The following TANC1 variants were observed in gnomAD, a reference collection of about 807,000 sequenced individuals.
TANC1 encodes protein TANC1.
In TANC1, 77 loss-of-function variants were observed where a neutral mutation model predicts 149.7. The ratio of observed to expected loss-of-function variants is 0.51; its 90% CI spans 0.43 to 0.62. TANC1 has a LOEUF of 0.62. Among genes scored for constraint, TANC1 ranks in the 20% least tolerant of loss-of-function variants. The pLI is 0.00. For missense variants in TANC1, 1,985 were observed against 2,321.8 expected (o/e 0.85, Z 2.98); for synonymous variants, 854 against 925.0 (o/e 0.92, Z 1.39).
rs775529868 is a variant in TANC1 at position 159,219,975 on chromosome 2, A to AGTGTGTGTGTGTGT, written c.3678+109_3678+110insTGTGTGTGTGTGTG. 8.4e-5 allele frequency: 63 copies of AGTGTGTGTGTGTGT among 748,224 alleles called. 1 individual carries two copies. The highest frequency in any genetic ancestry group is 7.0e-4 in the Admixed American group (24 of 34,342). The allele number at this position is 748,224 out of a possible 1,614,324, so 46.3% of individuals were successfully genotyped here. ...TGAGGTTGTGTCTCAGTGTCATCAG[A>AGTGTGTGTGTGTGT]GAGTGTGTGTGTGTGTGTGTGTGTG... On this transcript the variant is annotated intron_variant, in intron 22 of 26. Coordinates refer to ENST00000263635, the MANE Select transcript of TANC1 (RefSeq NM_033394.3).
intron 2 of TANC1, among the ~76,000 whole-genome samples, chr2:159,053,498 C>A (rs933506845): frequency 2.0e-5 from 3 of 152,164 alleles, no homozygotes; most frequent in Non-Finnish European, 4.4e-5. Flanking sequence ...ATTCAGCTCT[C>A]CACTGCAGTA....
intron 2 of TANC1, among the ~76,000 whole-genome samples, chr2:159,010,277 A>G (rs1443128186): frequency 6.6e-6 from 1 of 152,190 alleles, no homozygotes; most frequent in African/African-American, 2.4e-5. Context: ...CACTTTCATA[A>G]CTAATTAGTT....
In TANC1 at chr2:159,224,173, C is replaced by T. The variant is rs969844765; in HGVS notation, c.3679-59C>T. The T allele has an allele frequency of 5.7e-5, 91 of 1,600,402 alleles. No homozygotes were observed. The East Asian group carries it at 8.7e-4, about 15-fold the overall frequency. ...AGCTAAGACTGCCCACCCCTAAATCCGTGTGCGCCCCTGAACTCCTGTTCC... is the reference window on the plus strand; with the variant it reads ...AGCTAAGACTGCCCACCCCTAAATCTGTGTGCGCCCCTGAACTCCTGTTCC... On this transcript the variant is annotated intron_variant, in intron 22 of 26. Transcript: ENST00000263635.
At chr2:159,160,973 G>T (rs1320942621) in intron 7 of TANC1, among the ~76,000 whole-genome samples, 14 of 145,992 alleles carry the variant, frequency 9.6e-5, no homozygotes, top group Non-Finnish European at 1.6e-4. Context: ...TTACCCCTCC[G>T]CCCCCTCTCC....
intron 16 of TANC1, among the ~76,000 whole-genome samples, chr2:159,193,934 C>T (rs1387621258): frequency 6.6e-6 from 1 of 151,996 alleles, no homozygotes; most frequent in Non-Finnish European, 1.5e-5. Context: ...TCATAGTGCA[C>T]TACAGCCTCA....
intron 2 of TANC1, among the ~76,000 whole-genome samples, chr2:159,022,248 T>G (rs1177609482): frequency 6.6e-6 from 1 of 152,156 alleles, no homozygotes; most frequent in African/African-American, 2.4e-5. Context: ...GTTATCCCAT[T>G]CACAGTTGCA....
At chr2:159,158,574 G>A (rs188043413) in intron 7 of TANC1, among the ~76,000 whole-genome samples, 36 of 152,280 alleles carry the variant, frequency 2.4e-4, no homozygotes, top group African/African-American at 8.2e-4. Flanking sequence ...TTCCTCACCA[G>A]TGAATTTGAA....
chr2:159,142,164 G>A (rs1485463010), intron 5 of TANC1, among the ~76,000 whole-genome samples: 1 of 152,176 alleles, frequency 6.6e-6, no homozygotes, highest in East Asian at 1.9e-4. Context: ...TGCAGCTGTG[G>A]TTTTTATTTA....
chr2:159,020,634 T>C (rs1008071146), intron 2 of TANC1, among the ~76,000 whole-genome samples: 1 of 152,186 alleles, frequency 6.6e-6, no homozygotes, highest in Non-Finnish European at 1.5e-5. Flanking sequence ...CAACTAAGAA[T>C]TTGTGAATTT....
At chr2:159,153,918 G>A (rs2053146017) in intron 7 of TANC1, among the ~76,000 whole-genome samples, 2 of 152,202 alleles carry the variant, frequency 1.3e-5, no homozygotes, top group Non-Finnish European at 1.5e-5. Flanking sequence ...TAGTTGGGCG[G>A]AGATGAAGAT....
intron 3 of TANC1, among the ~76,000 whole-genome samples, chr2:159,095,733 CAAAAAAAAA>C (rs61191170): frequency 1.0e-5 from 1 of 100,444 alleles, no homozygotes; most frequent in African/African-American, 3.8e-5. Flanking sequence ...AAGACTGTCT[CAAAAAAAAA>C]AAAAAAAAAA....
At position 159,029,467 on chromosome 2, in the gene TANC1, C is replaced by T. The variant is rs772722550; in HGVS notation, c.-16+28278C>T. 2.8e-4 allele frequency among the ~76,000 whole-genome samples: 43 copies of T among 152,222 alleles called. No individual in the cohort carries two copies. In the Middle Eastern group the frequency reaches 0.01, roughly 36 times the overall value. ...GCATGGCATACAGAGTGGGTTCTTTCCTGTCTAGGCACCCTCTTTTGAAAC... is the reference window on the plus strand; with the variant it reads ...GCATGGCATACAGAGTGGGTTCTTTTCTGTCTAGGCACCCTCTTTTGAAAC... On this transcript the variant is annotated intron_variant, in intron 2 of 26. Transcript: ENST00000263635.
At chr2:159,179,205 G>A (rs199772651) in intron 14 of TANC1, 42 bp downstream of exon 14, 13 of 1,568,016 alleles carry the variant, frequency 8.3e-6, no homozygotes, top group East Asian at 2.3e-5. Context: ...AGGGAATCTC[G>A]TGTGCAGTTG....
At position 159,117,360 on chromosome 2, in the gene TANC1, T is replaced by TA. The variant is rs536505466; in HGVS notation, c.260-18832dup. 8.5e-5 allele frequency among the ~76,000 whole-genome samples: 13 copies of TA among 152,302 alleles called. No homozygotes were observed. The East Asian group carries it at 2.5e-3, about 29-fold the overall frequency. ...ATTAGTATGACACACTTGTCAGAGTTAATGAACTGATATTGATACCTACTA... is the reference window on the plus strand; with the variant it reads ...ATTAGTATGACACACTTGTCAGAGTTAAATGAACTGATATTGATACCTACTA... On this transcript the variant is annotated intron_variant, in intron 4 of 26. Transcript: ENST00000263635.
chr2:159,018,160 G>GC (rs1559137198), intron 2 of TANC1, among the ~76,000 whole-genome samples: 1 of 152,156 alleles, frequency 6.6e-6, no homozygotes, highest in Non-Finnish European at 1.5e-5. Flanking sequence ...TCTGTTTGGA[G>GC]CATTTTATTA....
intron 22 of TANC1, among the ~76,000 whole-genome samples, chr2:159,220,545 G>A (rs111980203): frequency 0.01 from 1,542 of 150,436 alleles, 28 homozygotes; most frequent in African/African-American, 0.035. Context: ...CTCATGATCC[G>A]CCTGCCTCAG....
intron 5 of TANC1, among the ~76,000 whole-genome samples, chr2:159,142,345 T>C (rs1305656851): frequency 1.3e-5 from 2 of 152,254 alleles, no homozygotes; most frequent in East Asian, 1.9e-4. Context: ...TTTGCACTGA[T>C]GCTGCAAAAG....
intron 11 of TANC1, among the ~76,000 whole-genome samples, chr2:159,173,135 T>C (rs73967207): frequency 0.024 from 3,645 of 152,300 alleles, 153 homozygotes; most frequent in African/African-American, 0.083. Flanking sequence ...TCCCTGCTTA[T>C]GGTGATTTTC....
At chr2:159,068,310 A>G (rs2042845943) in intron 3 of TANC1, among the ~76,000 whole-genome samples, 1 of 152,244 alleles carries the variant, frequency 6.6e-6, no homozygotes, top group South Asian at 2.1e-4. Flanking sequence ...CTTAGGTAAT[A>G]TCTCCTGCAA....
Sources: allele counts gnomAD v4.1 joint callset (sites outside exome capture counted in the v4.1 genomes callset), GRCh38; gene constraint gnomAD v4.1.1; transcripts MANE v1.5; gene names NCBI Gene and HGNC (gene_info 2026-07-23, HGNC 2026-07-21).